The following LOXL4 variants were observed in gnomAD, a reference collection of about 807,000 sequenced individuals.
The protein encoded by LOXL4 is lysyl oxidase like 4.
In LOXL4, 72 loss-of-function variants were observed where a neutral mutation model predicts 89.1. The observed-to-expected ratio is 0.81, with a 90% CI of 0.67 to 0.98. The LOEUF (loss-of-function observed/expected upper bound fraction) is 0.98, where lower values mean the gene tolerates loss of function less well. LOXL4 is among the 50% of genes least tolerant of loss of function. The probability of loss-of-function intolerance (pLI) is 0.00; values close to 1 mark genes in which losing one functional copy is unlikely to be tolerated. For missense variants in LOXL4, 984 were observed against 1,017.5 expected (o/e 0.97, Z 0.45); for synonymous variants, 355 against 392.1 (o/e 0.91, Z 1.12).
chr10:98,257,958 C>T, intron 7 of LOXL4, 23 bp downstream of exon 7: 1 of 1,611,342 alleles, frequency 6.2e-7, no homozygotes, highest in Non-Finnish European at 8.5e-7. Flanking sequence ...GCCTTCTAAC[C>T]CCTCCCAGGC....
intron 9 of LOXL4, 165 bp downstream of exon 9, chr10:98,256,615 T>C: frequency 1.4e-6 from 1 of 721,426 alleles, no homozygotes. Flanking sequence ...CTATGTCTTC[T>C]TGTTTACCAC....
At chr10:98,251,873 A>G in intron 12 of LOXL4, 171 bp from the exon 13 acceptor site, 1 of 745,334 alleles carries the variant, frequency 1.3e-6, no homozygotes, top group Non-Finnish European at 2.1e-6. Context: ...TGACAAAGAT[A>G]GGATTTGTTT....
intron 11 of LOXL4, among the ~76,000 whole-genome samples, chr10:98,253,001 AC>A (rs1858248237): frequency 6.6e-6 from 1 of 152,210 alleles, no homozygotes; most frequent in South Asian, 2.1e-4. Flanking sequence ...AGAAGAAAAA[AC>A]AATTCTGCCT....
chr10:98,262,044 A>C lies in LOXL4; in HGVS notation c.447T>G (p.Leu149=), dbSNP rs140044067. The change falls in exon 3 of 15, where the codon CTT becomes CTG. Residue 149 remains leucine (L), a synonymous_variant. Coordinates refer to ENST00000260702, the MANE Select transcript of LOXL4 (RefSeq NM_032211.7). The part of the protein sequence containing the change: ...GYLSETVSNA[L]GPQGRRLEEV... ...TGAACAGCCTCCTCACCTGGGGCCC[A>C]AGGGCATTGGAGACAGTTTCAGAAA... The C allele has an allele frequency of 1.9e-6, 3 of 1,608,176 alleles. No homozygotes were observed. The highest frequency in any genetic ancestry group is 1.7e-6 in the Non-Finnish European group (2 of 1,177,106).
Position 98,262,972 on chromosome 10 carries a change from TAGC to T in LOXL4, c.45_47del (p.Leu16del), listed in dbSNP as rs1858591846. 5.0e-6 allele frequency: 8 copies of T among 1,613,684 alleles called. No individual in the cohort carries two copies. Among genetic ancestry groups the T allele is most frequent in the Non-Finnish European group, 4.2e-6 (5 of 1,179,988 alleles). On this transcript the variant is annotated inframe_deletion, in exon 2 of 15. Coordinates refer to ENST00000260702, the MANE Select transcript of LOXL4 (RefSeq NM_032211.7). ...GTGGCCTGCTGGGAGGGGGCTGGCC[TAGC>T]AGCAGCAGGAACAGAAAGAGGGTGG...
In LOXL4 at chr10:98,260,905, G is replaced by A. The variant is rs760788202; in HGVS notation, c.662+17C>T. Reference sequence around the variant, plus strand: ...CAACCCTGCCTCCTGTGGGGCCTACGCCAGCCGCCCTCCTACCTGTAGTAG... The same window carrying A: ...CAACCCTGCCTCCTGTGGGGCCTACACCAGCCGCCCTCCTACCTGTAGTAG... On this transcript the variant is annotated intron_variant, in intron 4 of 14. Transcript: ENST00000260702. 14 of 1,593,488 alleles carry A rather than the reference G, an allele frequency of 8.8e-6. No individual in the cohort carries two copies. In the Middle Eastern group the frequency reaches 5.0e-4, roughly 57 times the overall value.
intron 4 of LOXL4, among the ~76,000 whole-genome samples, chr10:98,260,717 CCA>C (rs1858511566): frequency 6.6e-6 from 1 of 152,100 alleles, no homozygotes; most frequent in Non-Finnish European, 1.5e-5. Context: ...AACACCACTG[CCA>C]GTCAGTACTC....
At chr10:98,266,055 C>T (rs1858676493) in intron 1 of LOXL4, among the ~76,000 whole-genome samples, 1 of 152,174 alleles carries the variant, frequency 6.6e-6, no homozygotes, top group Admixed American at 6.5e-5. Context: ...GTCCCATGAG[C>T]AGAGTGCTCT....
rs746240668 is a variant in LOXL4, at chr10:98,262,716, T to C, written c.277+27A>G. 9 of 1,598,296 alleles carry C rather than the reference T, an allele frequency of 5.6e-6. No individual in the cohort carries two copies. The Admixed American group carries it at 1.3e-4, about 24-fold the overall frequency. On this transcript the variant is annotated intron_variant, in intron 2 of 14. Coordinates refer to ENST00000260702, the MANE Select transcript of LOXL4 (RefSeq NM_032211.7). ...GAAGACTGTTACCATCTCCTTGCCATCCCACTAGGTGGCACCAGTCACTCA... is the reference window on the plus strand; with the variant it reads ...GAAGACTGTTACCATCTCCTTGCCACCCCACTAGGTGGCACCAGTCACTCA...
chr10:98,255,675 G>A lies in LOXL4; in HGVS notation c.1493C>T (p.Ser498Leu). 1 of 1,613,854 alleles carries A rather than the reference G, an allele frequency of 6.2e-7. No homozygotes were observed. Among genetic ancestry groups the A allele is most frequent in the East Asian group, 2.2e-5 (1 of 44,858 alleles). ...CTGCTGCAGGGCCAGCTCTGTGCCT[G>A]AGCAGCGCACCCCACTCATCACCAC... ...QEVVMSGVRC[S>L]GTELALQQCQ... is the part of the protein sequence containing the mutation. The change falls in exon 10 of 15, where the codon TCA becomes TTA. Residue 498 changes from serine to leucine, a missense_variant. Transcript: ENST00000260702.
Position 98,255,563 on chromosome 10 carries a change from C to T in LOXL4, c.1591+14G>A. ...CCTACCTGTCCCCAGCCCTGTGAGC[C>T]CTCCGTCACTCACTGTCCATGCAGG... On this transcript the variant is annotated intron_variant, in intron 10 of 14. Transcript: ENST00000260702. 1 of 1,590,034 alleles carries T rather than the reference C, an allele frequency of 6.3e-7. No individual in the cohort carries two copies. Among genetic ancestry groups the T allele is most frequent in the Non-Finnish European group, 8.6e-7 (1 of 1,160,526 alleles).
In LOXL4 at chr10:98,255,661, C is replaced by T; in HGVS notation, c.1507G>A (p.Ala503Thr). Residue 503 changes from alanine (A) to threonine (T), a missense_variant, in exon 10 of 15, where the codon GCC becomes ACC. By Grantham distance (58) the Ala-to-Thr change is moderately conservative. Transcript: ENST00000260702. ...CCGTGCCTCTGGCACTGCTGCAGGG[C>T]CAGCTCTGTGCCTGAGCAGCGCACC... ...SGVRCSGTEL[A>T]LQQCQRHGPV... 1.2e-6 allele frequency: 2 copies of T among 1,613,876 alleles called. No homozygotes were observed. The highest frequency in any genetic ancestry group is 1.1e-5 in the South Asian group (1 of 91,082).
intron 1 of LOXL4, 34 bp from the exon 2 acceptor site, chr10:98,263,085 C>T: frequency 1.9e-6 from 3 of 1,557,546 alleles, no homozygotes; most frequent in Middle Eastern, 1.7e-4. Context: ...GTGATCACCA[C>T]CTCTACCCAG....
rs1370227762 is a variant in LOXL4 at position 98,265,415 on chromosome 10, ATTT to A, written c.-32-2367_-32-2365del. Reference sequence around the variant, plus strand: ...TATTATTATTATTATTATTATTATTATTTTTGAGACAGATTTTTGCTCTTGTCA... The same window carrying A: ...TATTATTATTATTATTATTATTATTATTGAGACAGATTTTTGCTCTTGTCA... On this transcript the variant is annotated intron_variant, in intron 1 of 14. Transcript: ENST00000260702. Among the ~76,000 whole-genome samples the A allele has an allele frequency of 1.5e-4, 9 of 60,676 alleles. 2 individuals carry two copies. The highest frequency in any genetic ancestry group is 4.6e-4 in the African/African-American group (8 of 17,428). The allele number at this position is 60,676 out of a possible 152,430, so 39.8% of individuals were successfully genotyped here. A position where few individuals can be genotyped will look rare whatever the true frequency, so the allele number is the denominator to read the frequency against.
In LOXL4 at chr10:98,258,129, C is replaced by T; in HGVS notation, c.957G>A (p.Val319=). 1 of 1,613,028 alleles carries T rather than the reference C, an allele frequency of 6.2e-7. No homozygotes were observed. Among genetic ancestry groups the T allele is most frequent in the Non-Finnish European group, 8.5e-7 (1 of 1,179,816 alleles). Residue 319 remains valine (V), a synonymous_variant, in exon 7 of 15, where the codon GTG becomes GTA. Coordinates refer to ENST00000260702, the MANE Select transcript of LOXL4 (RefSeq NM_032211.7). ...TGAGCACTTCCACCCGGCCCTCGCC[C>T]ACCTGGGCCCCGGAGCGCAGGCGCA... ...PRVRLRSGAQ[V]GEGRVEVLMN...
intron 9 of LOXL4, 110 bp downstream of exon 9, chr10:98,256,670 A>T: frequency 8.1e-7 from 1 of 1,236,472 alleles, no homozygotes; most frequent in Non-Finnish European, 1.2e-6. Flanking sequence ...AGTTTCACTC[A>T]GTAATGAATT....
chr10:98,260,888 C>A, intron 4 of LOXL4, 34 bp downstream of exon 4: 2 of 1,569,972 alleles, frequency 1.3e-6, no homozygotes, highest in African/African-American at 2.7e-5. Context: ...CACAACCCTG[C>A]CTCCTGTGGG....
rs1216955195 is a variant in LOXL4, at chr10:98,256,931, C to T, written c.1277G>A (p.Gly426Glu). Residue 426 changes from glycine to glutamate, a missense_variant, in exon 9 of 15, where the codon GGG becomes GAG. Physicochemically the swap from Gly to Glu is moderately conservative, Grantham distance 98. Transcript: ENST00000260702. ...CAATAGCCCCTCCTCAGGGATACGC[C>T]CACCAGCCAAGCGCACCTGCAATGG... is the stretch of plus-strand genomic sequence containing the variant. ...GFQNQVRLAG[G>E]RIPEEGLLEV... 4.3e-6 allele frequency: 7 copies of T among 1,614,094 alleles called. No homozygotes were observed. The highest frequency in any genetic ancestry group is 5.1e-6 in the Non-Finnish European group (6 of 1,179,992).
chr10:98,255,033 C>T (rs1319634394), intron 10 of LOXL4, among the ~76,000 whole-genome samples: 1 of 152,208 alleles, frequency 6.6e-6, no homozygotes, highest in Non-Finnish European at 1.5e-5. Context: ...ATGCTGCTGC[C>T]CTAAGAATCT....
Sources: gnomAD v4.1 joint callset for allele counts (sites outside exome capture counted in the v4.1 genomes callset) on GRCh38, gnomAD v4.1.1 for gene constraint, MANE v1.5 for transcripts, NCBI Gene and HGNC (gene_info 2026-07-23, HGNC 2026-07-21) for gene names.